The following BTG3 variants were observed in gnomAD, a reference collection of about 807,000 sequenced individuals.
BTG3 encodes BTG anti-proliferation factor 3.
A neutral mutation model predicts 25.8 loss-of-function variants in BTG3; 4 were observed. The observed-to-expected ratio is 0.16, with a 90% CI of 0.08 to 0.36. BTG3 has a LOEUF of 0.36. Ranked by LOEUF, BTG3 falls within the 10% of genes least tolerant of loss-of-function variation. The probability of loss-of-function intolerance (pLI) is 1.00; values close to 1 mark genes in which losing one functional copy is unlikely to be tolerated. For synonymous variants in BTG3, 107 were observed against 99.9 expected (o/e 1.07, Z -0.42); for missense variants, 201 against 304.9 (o/e 0.66, Z 2.54).
chr21:17,597,654 T>C lies in BTG3; in HGVS notation c.519+963A>G, dbSNP rs147667265. ...ATACATATACATATACATACACATATACATAGAATCCTAAATTATGATAAT... is the reference window on the plus strand; with the variant it reads ...ATACATATACATATACATACACATACACATAGAATCCTAAATTATGATAAT... On this transcript the variant is annotated intron_variant, in intron 4 of 4. Transcript: ENST00000348354. Among the ~76,000 whole-genome samples, 781 of 151,994 alleles carry C rather than the reference T, an allele frequency of 5.1e-3. 8 individuals carry two copies. Among genetic ancestry groups the C allele is most frequent in the African/African-American group, 0.018 (749 of 41,516 alleles).
At chr21:17,610,093 G>A (rs1164897560) in intron 1 of BTG3, among the ~76,000 whole-genome samples, 1 of 152,178 alleles carries the variant, frequency 6.6e-6, no homozygotes, top group Non-Finnish European at 1.5e-5. Flanking sequence ...CATATTGTAC[G>A]ATTCCATTGA....
intron 2 of BTG3, among the ~76,000 whole-genome samples, chr21:17,606,102 CAAT>C (rs1569186108): frequency 6.6e-6 from 1 of 151,922 alleles, no homozygotes; most frequent in Non-Finnish European, 1.5e-5. Flanking sequence ...ATAATATTAA[CAAT>C]AATAAGCATT....
chr21:17,595,317 T>G (rs2061490675), intron 4 of BTG3, among the ~76,000 whole-genome samples: 2 of 152,078 alleles, frequency 1.3e-5, no homozygotes, highest in African/African-American at 4.8e-5. Context: ...TTAAAAAAAT[T>G]ATATTGTGTA....
rs376786678 is a variant in BTG3, at chr21:17,604,969, C to T, written c.202G>A (p.Val68Ile). ...CAGGCTTTCAGGACATCAGGATCAACTCTCTGAAATTTATTGACACGAATA... is the reference window on the plus strand; with the variant it reads ...CAGGCTTTCAGGACATCAGGATCAATTCTCTGAAATTTATTGACACGAATA... ...RCIRVNKFQR[V>I]DPDVLKACEN... is the part of the protein sequence containing the mutation. The change falls in exon 3 of 5, where the codon GTT becomes ATT. Residue 68 changes from valine to isoleucine, a missense_variant. Around this residue, in one of 2 missense-constraint regions of BTG3, gnomAD observed 70 missense variants for 175.7 expected, o/e 0.40. Coordinates refer to ENST00000348354, the MANE Select transcript of BTG3 (RefSeq NM_006806.5). 34 of 1,614,128 alleles carry T rather than the reference C, an allele frequency of 2.1e-5. No individual in the cohort carries two copies. Among genetic ancestry groups the T allele is most frequent in the Admixed American group, 3.3e-5 (2 of 60,016 alleles).
chr21:17,603,462 G>C (rs1333377361), intron 3 of BTG3, among the ~76,000 whole-genome samples: 2 of 152,094 alleles, frequency 1.3e-5, no homozygotes, highest in African/African-American at 4.8e-5. Context: ...TCAAGCGGTG[G>C]TCCTGACAAA....
intron 2 of BTG3, among the ~76,000 whole-genome samples, chr21:17,608,493 T>C (rs1318304615): frequency 6.6e-6 from 1 of 152,074 alleles, no homozygotes; most frequent in South Asian, 2.1e-4. Context: ...AATATATAAA[T>C]GAGATTATTC....
At chr21:17,596,150 A>T (rs952354611) in intron 4 of BTG3, among the ~76,000 whole-genome samples, 1 of 151,806 alleles carries the variant, frequency 6.6e-6, no homozygotes, top group Non-Finnish European at 1.5e-5. Flanking sequence ...TTTACTAGTG[A>T]TTTGTGAGCG....
At chr21:17,611,689 G>C (rs1470160891) in intron 1 of BTG3, 2 of 152,126 alleles carry the variant, frequency 1.3e-5, no homozygotes, top group African/African-American at 4.8e-5. Flanking sequence ...TTTAAATATC[G>C]CACGGTGACG....
At chr21:17,606,740 A>T (rs2061648237) in intron 2 of BTG3, among the ~76,000 whole-genome samples, 1 of 152,162 alleles carries the variant, frequency 6.6e-6, no homozygotes, top group Non-Finnish European at 1.5e-5. Flanking sequence ...ACAAAATTTT[A>T]AAAGTTGCAT....
chr21:17,604,734 A>C, intron 3 of BTG3, 126 bp downstream of exon 3: 3 of 1,178,152 alleles, frequency 2.5e-6, no homozygotes, highest in Non-Finnish European at 3.4e-6. Flanking sequence ...CATAAAATTT[A>C]CATCTGAGAG....
chr21:17,598,328 A>C (rs1409174948), intron 4 of BTG3, among the ~76,000 whole-genome samples: 1 of 152,196 alleles, frequency 6.6e-6, no homozygotes, highest in Non-Finnish European at 1.5e-5. Context: ...CTTTTGAATG[A>C]GATTTTAAAA....
intron 4 of BTG3, among the ~76,000 whole-genome samples, chr21:17,596,024 G>A (rs1309146860): frequency 6.6e-6 from 1 of 151,976 alleles, no homozygotes; most frequent in Non-Finnish European, 1.5e-5. Context: ...GATCATAAAT[G>A]AGGCCATTCA....
At chr21:17,598,520 T>G in intron 4 of BTG3, 97 bp downstream of exon 4, 1 of 1,025,254 alleles carries the variant, frequency 9.8e-7, no homozygotes, top group East Asian at 2.5e-5. Context: ...ATCCAGAATC[T>G]CAAGTCAGAA....
At chr21:17,595,643 TCTC>T (rs1315466969) in intron 4 of BTG3, among the ~76,000 whole-genome samples, 3 of 151,922 alleles carry the variant, frequency 2.0e-5, no homozygotes, top group Non-Finnish European at 4.4e-5. Context: ...AATTAAATGG[TCTC>T]CTAGTAATGG....
chr21:17,603,396 T>C (rs952524302), intron 3 of BTG3, among the ~76,000 whole-genome samples: 2 of 152,168 alleles, frequency 1.3e-5, no homozygotes, highest in African/African-American at 4.8e-5. Flanking sequence ...ACCACCTACA[T>C]CTGGTTTCCA....
At position 17,593,868 on chromosome 21, in the gene BTG3, A is replaced by AC; in HGVS notation, c.*224dup. Reference sequence around the variant, plus strand: ...TAAATACTCAAGTCCAATATTAAAAACTTAGGCACTTGACTAACTTTAATA... The same window carrying AC: ...TAAATACTCAAGTCCAATATTAAAAACCTTAGGCACTTGACTAACTTTAATA... On this transcript the variant is annotated 3_prime_UTR_variant, in exon 5 of 5. Transcript: ENST00000348354. 2 of 542,042 alleles carry AC rather than the reference A, an allele frequency of 3.7e-6. No homozygotes were observed. Among genetic ancestry groups the AC allele is most frequent in the Non-Finnish European group, 6.2e-6 (2 of 321,760 alleles). 33.6% of individuals were successfully genotyped at this position (542,042 alleles called of 1,614,324 possible).
intron 2 of BTG3, among the ~76,000 whole-genome samples, chr21:17,608,517 A>G (rs1266060079): frequency 3.9e-5 from 6 of 152,138 alleles, no homozygotes; most frequent in Admixed American, 6.5e-5. Flanking sequence ...TATTAACGAC[A>G]TATCAGGTGT....
In BTG3 at chr21:17,598,634, C is replaced by G. The variant is rs546072685; in HGVS notation, c.502G>C (p.Ala168Pro). ...EVKPSSVTAA[A>P]SPVYQISELI... The stretch of plus-strand genomic sequence containing the variant: ...ATGGTTACCTGGTACACAGGACTTG[C>G]GGCTGCAGTCACCGAACTGGGTTTC... Residue 168 changes from alanine to proline, a missense_variant, in exon 4 of 5, where the codon GCA becomes CCA. By Grantham distance (27) the Ala-to-Pro change is conservative. Coordinates refer to ENST00000348354, the MANE Select transcript of BTG3 (RefSeq NM_006806.5). 2 of 1,613,806 alleles carry G rather than the reference C, an allele frequency of 1.2e-6. No homozygotes were observed. The highest frequency in any genetic ancestry group is 2.2e-5 in the East Asian group (1 of 44,868).
At chr21:17,611,975 G>A (rs2061732457) in intron 1 of BTG3, 1 of 152,254 alleles carries the variant, frequency 6.6e-6, no homozygotes, top group African/African-American at 2.4e-5. Context: ...CCCGACCTCA[G>A]CGGCGCCACA....
Sources: allele counts gnomAD v4.1 joint callset (sites outside exome capture counted in the v4.1 genomes callset), GRCh38; gene constraint gnomAD v4.1.1; regional missense constraint gnomAD v4.1.1; transcripts MANE v1.5; gene names NCBI Gene and HGNC (gene_info 2026-07-23, HGNC 2026-07-21).